TACR3: variants seen among roughly 807,000 people sequenced by gnomAD.
TACR3 encodes the protein tachykinin receptor 3.
A neutral mutation model predicts 35.0 loss-of-function variants in TACR3; 34 were observed. The observed-to-expected ratio is 0.97, with a 90% CI of 0.74 to 1.30. The LOEUF (loss-of-function observed/expected upper bound fraction) is 1.30. Among genes scored for constraint, TACR3 ranks in the 50% most tolerant of loss-of-function variants. The pLI is 0.00. For synonymous variants in TACR3, 233 were observed against 221.1 expected (o/e 1.05, Z -0.48); for missense variants, 558 against 591.7 (o/e 0.94, Z 0.59).
At chr4:103,634,111 G>A (rs1009766820) in intron 3 of TACR3, among the ~76,000 whole-genome samples, 8 of 152,036 alleles carry the variant, frequency 5.3e-5, no homozygotes, top group African/African-American at 1.9e-4. Flanking sequence ...TTTTACTTTT[G>A]AGAGCACAAA....
In TACR3 at chr4:103,656,934, T is replaced by C. The variant is rs550895249; in HGVS notation, c.738-590A>G. 8.6e-5 allele frequency among the ~76,000 whole-genome samples: 12 copies of C among 140,098 alleles called. No individual in the cohort carries two copies. In the South Asian group the frequency reaches 2.0e-3, roughly 23 times the overall value. The allele number at this position is 140,098 out of a possible 152,430, so 91.9% of individuals were successfully genotyped here. A position where few individuals can be genotyped will look rare whatever the true frequency, so the allele number is the denominator to read the frequency against. The stretch of plus-strand genomic sequence containing the variant: ...CCAGTCTGGGTCCATTTGATTGCAT[T>C]GTTAACTTGGTAAAAACAAAACAAA... On this transcript the variant is annotated intron_variant, in intron 2 of 4. Coordinates refer to ENST00000304883, the MANE Select transcript of TACR3 (RefSeq NM_001059.3).
intron 3 of TACR3, among the ~76,000 whole-genome samples, chr4:103,599,876 T>G (rs1231344199): frequency 3.3e-5 from 5 of 152,196 alleles, no homozygotes; most frequent in Non-Finnish European, 7.3e-5. Context: ...ATTGAGGATT[T>G]TTGCATCAAT....
chr4:103,713,387 G>T (rs969703174), intron 1 of TACR3, among the ~76,000 whole-genome samples: 2 of 147,292 alleles, frequency 1.4e-5, no homozygotes, highest in Non-Finnish European at 3.0e-5. Flanking sequence ...AAACCAAACA[G>T]CGCATGTTCT....
chr4:103,638,010 C>T (rs1437858698), intron 3 of TACR3, among the ~76,000 whole-genome samples: 16 of 152,178 alleles, frequency 1.1e-4, no homozygotes, highest in Admixed American at 9.8e-4. Flanking sequence ...AAAGGCCATA[C>T]TGCCAAAGGT....
At chr4:103,670,041 C>A (rs1441386787) in intron 1 of TACR3, among the ~76,000 whole-genome samples, 1 of 151,940 alleles carries the variant, frequency 6.6e-6, no homozygotes. Flanking sequence ...TAATGGATAT[C>A]CAGTTTCCCT....
chr4:103,664,665 G>A (rs3796955), intron 1 of TACR3, among the ~76,000 whole-genome samples: 64,440 of 152,048 alleles, frequency 0.42, 16,255 homozygotes, highest in African/African-American at 0.72. Flanking sequence ...CATGACCCAT[G>A]AAGTTTCAAC....
intron 1 of TACR3, among the ~76,000 whole-genome samples, chr4:103,678,399 T>C (rs915258657): frequency 6.6e-6 from 1 of 152,136 alleles, no homozygotes; most frequent in Non-Finnish European, 1.5e-5. Context: ...TATTTAGTTG[T>C]GCAAGTGGAA....
At chr4:103,666,513 A>G (rs568585357) in intron 1 of TACR3, among the ~76,000 whole-genome samples, 3 of 152,310 alleles carry the variant, frequency 2.0e-5, no homozygotes, top group East Asian at 3.9e-4. Flanking sequence ...TTTTAACAAT[A>G]AAAGTAATAA....
intron 1 of TACR3, among the ~76,000 whole-genome samples, chr4:103,701,124 T>C (rs900898500): frequency 6.6e-6 from 1 of 152,132 alleles, no homozygotes; most frequent in Non-Finnish European, 1.5e-5. Context: ...TGTTTGCAGA[T>C]GACATGATTG....
intron 1 of TACR3, among the ~76,000 whole-genome samples, chr4:103,700,609 C>A (rs1474624408): frequency 6.6e-6 from 1 of 152,128 alleles, no homozygotes; most frequent in South Asian, 2.1e-4. Flanking sequence ...TTACTGCTTA[C>A]AACATATTAT....
intron 3 of TACR3, among the ~76,000 whole-genome samples, chr4:103,613,865 G>A (rs1037997165): frequency 6.6e-6 from 1 of 152,048 alleles, no homozygotes; most frequent in African/African-American, 2.4e-5. Flanking sequence ...TGGTACAGGA[G>A]GAGAGGGAGT....
intron 3 of TACR3, among the ~76,000 whole-genome samples, chr4:103,650,672 ATATAT>A (rs1239623574): frequency 0.029 from 459 of 15,984 alleles, 18 homozygotes; most frequent in African/African-American, 0.16. Flanking sequence ...ATAAATAAAT[ATATAT>A]TATATCATAT....
At chr4:103,692,334 T>C (rs909423012) in intron 1 of TACR3, among the ~76,000 whole-genome samples, 5 of 152,190 alleles carry the variant, frequency 3.3e-5, no homozygotes, top group Non-Finnish European at 7.3e-5. Flanking sequence ...GGACATTTGA[T>C]AATGATAAAA....
intron 1 of TACR3, among the ~76,000 whole-genome samples, chr4:103,683,469 CCA>C (rs1722146767): frequency 6.4e-5 from 1 of 15,734 alleles, no homozygotes; most frequent in African/African-American, 3.5e-4. Flanking sequence ...GAAAGACTGA[CCA>C]AAAAAAAAAA....
At chr4:103,653,358 A>T (rs1725665213) in intron 3 of TACR3, among the ~76,000 whole-genome samples, 1 of 152,058 alleles carries the variant, frequency 6.6e-6, no homozygotes, top group African/African-American at 2.4e-5. Context: ...GGGACTCTGA[A>T]TTCAAAAACA....
At chr4:103,674,472 T>C (rs1726124079) in intron 1 of TACR3, among the ~76,000 whole-genome samples, 1 of 152,184 alleles carries the variant, frequency 6.6e-6, no homozygotes, top group African/African-American at 2.4e-5. Flanking sequence ...AGAAGGAGCT[T>C]GTCTTAAAGC....
chr4:103,588,438 C>G lies in TACR3; in HGVS notation c.*1244G>C, dbSNP rs1723824654. The G allele has an allele frequency of 6.6e-6, 1 of 152,050 alleles. No individual in the cohort carries two copies. The highest frequency in any genetic ancestry group is 2.4e-5 in the African/African-American group (1 of 41,410). 9.4% of individuals were successfully genotyped at this position (152,050 alleles called of 1,614,324 possible). A position where few individuals can be genotyped will look rare whatever the true frequency, so the allele number is the denominator to read the frequency against. On this transcript the variant is annotated 3_prime_UTR_variant, in exon 5 of 5. Coordinates refer to ENST00000304883, the MANE Select transcript of TACR3 (RefSeq NM_001059.3). ...AAGTATTTCTTGTTATGTTATGAGT[C>G]TCAGAAATGTGCTAGTATATATCTT...
At chr4:103,659,726 T>C (rs1466843235) in intron 1 of TACR3, among the ~76,000 whole-genome samples, 2 of 152,168 alleles carry the variant, frequency 1.3e-5, no homozygotes, top group Non-Finnish European at 2.9e-5. Flanking sequence ...GGCAACTTCT[T>C]GGGGAAGTTA....
intron 3 of TACR3, among the ~76,000 whole-genome samples, chr4:103,652,079 C>T (rs1240717982): frequency 1.3e-5 from 2 of 152,104 alleles, no homozygotes; most frequent in African/African-American, 2.4e-5. Flanking sequence ...CATGCACCCC[C>T]TTAGTCAGCC....
Sources: allele counts gnomAD v4.1 joint callset (sites outside exome capture counted in the v4.1 genomes callset), GRCh38; gene constraint gnomAD v4.1.1; transcripts MANE v1.5; gene names NCBI Gene and HGNC (gene_info 2026-07-23, HGNC 2026-07-21).